Variants in RPH3A observed in about 807,000 individuals in gnomAD.
The protein encoded by RPH3A is rabphilin-3A.
Under a neutral mutation model 102.2 loss-of-function variants are expected in RPH3A, and 48 were observed. That is an observed-to-expected ratio of 0.47 (90% confidence interval 0.37 to 0.60). RPH3A has a LOEUF of 0.60. Among genes scored for constraint, RPH3A ranks in the 20% least tolerant of loss-of-function variants. The pLI, the probability that RPH3A is intolerant of heterozygous loss-of-function variation, is 0.00. For synonymous variants in RPH3A, 310 were observed against 324.3 expected (o/e 0.96, Z 0.47); for missense variants, 781 against 910.1 (o/e 0.86, Z 1.83).
chr12:112,866,207 G>A (rs560418383), intron 6 of RPH3A, among the ~76,000 whole-genome samples: 124 of 152,234 alleles, frequency 8.1e-4, no homozygotes, highest in African/African-American at 2.9e-3. Context: ...GAAATCTTGC[G>A]AAAAGTTTAT....
chr12:112,702,359 G>C (rs2040400107), intron 1 of RPH3A, among the ~76,000 whole-genome samples: 1 of 152,228 alleles, frequency 6.6e-6, no homozygotes. Flanking sequence ...ATTATGGTCA[G>C]AGCCCAGTAT....
chr12:112,682,471 T>C (rs187397231), intron 1 of RPH3A, among the ~76,000 whole-genome samples: 2 of 151,728 alleles, frequency 1.3e-5, no homozygotes, highest in Non-Finnish European at 2.9e-5. Flanking sequence ...TCTCACCACA[T>C]GCCCAGAAAT....
At chr12:112,739,951 CA>C (rs1315387662) in intron 1 of RPH3A, among the ~76,000 whole-genome samples, 1 of 148,932 alleles carries the variant, frequency 6.7e-6, no homozygotes, top group African/African-American at 2.5e-5. Context: ...CATCCCCCCC[CA>C]GCCTTGGGTA....
Position 112,896,945 on chromosome 12 carries a change from A to C in RPH3A, c.*165A>C. 1.5e-6 allele frequency: 1 copy of C among 649,508 alleles called. No individual in the cohort carries two copies. The highest frequency in any genetic ancestry group is 2.6e-6 in the Non-Finnish European group (1 of 385,462). The allele number at this position is 649,508 out of a possible 1,614,324, so 40.2% of individuals were successfully genotyped here. ...GTCACGTTGGGCACTGCTGCCAAAG[A>C]CTCCCTCCTCCCTGATGCTGGGATG... On this transcript the variant is annotated 3_prime_UTR_variant, in exon 22 of 22. Transcript: ENST00000389385.
At chr12:112,694,632 ACGCGCG>A (rs752695966) in intron 1 of RPH3A, among the ~76,000 whole-genome samples, 2 of 115,020 alleles carry the variant, frequency 1.7e-5, no homozygotes, top group Non-Finnish European at 3.5e-5. Flanking sequence ...AGACACACGC[ACGCGCG>A]CGCGCGCACA....
chr12:112,634,612 T>C (rs920311816), intron 1 of RPH3A, among the ~76,000 whole-genome samples: 1 of 152,146 alleles, frequency 6.6e-6, no homozygotes, highest in African/African-American at 2.4e-5. Flanking sequence ...TCACTGCTGT[T>C]TTGGTGATTT....
intron 1 of RPH3A, among the ~76,000 whole-genome samples, chr12:112,613,667 G>T (rs149624819): frequency 6.6e-6 from 1 of 152,196 alleles, no homozygotes; most frequent in African/African-American, 2.4e-5. Context: ...CAGGTGTGAT[G>T]GTGCATGCCT....
At chr12:112,607,782 C>T (rs564458521) in intron 1 of RPH3A, among the ~76,000 whole-genome samples, 1 of 152,354 alleles carries the variant, frequency 6.6e-6, no homozygotes, top group South Asian at 2.1e-4. Context: ...TGCAATTTCT[C>T]TTCCTCCTAA....
intron 1 of RPH3A, among the ~76,000 whole-genome samples, chr12:112,737,169 C>A (rs996029753): frequency 3.3e-4 from 41 of 125,904 alleles, no homozygotes; most frequent in East Asian, 1.2e-3. Flanking sequence ...AAAAAAAAAA[C>A]AAAATAAAAA....
chr12:112,750,973 G>C (rs1028193941), intron 1 of RPH3A, among the ~76,000 whole-genome samples: 1 of 152,118 alleles, frequency 6.6e-6, no homozygotes, highest in African/African-American at 2.4e-5. Context: ...AAACCATGGA[G>C]AGACAGATGG....
chr12:112,874,322 C>G (rs2042758073), intron 10 of RPH3A, among the ~76,000 whole-genome samples: 2 of 152,316 alleles, frequency 1.3e-5, no homozygotes, highest in South Asian at 4.1e-4. Flanking sequence ...CCTGGCTCTG[C>G]AGTAACCAGC....
intron 2 of RPH3A, among the ~76,000 whole-genome samples, chr12:112,816,837 A>G (rs1389050128): frequency 6.6e-6 from 1 of 152,196 alleles, no homozygotes; most frequent in African/African-American, 2.4e-5. Context: ...CTCTTAGGAA[A>G]ACATAACTGA....
chr12:112,798,028 G>C (rs11608387), intron 2 of RPH3A, among the ~76,000 whole-genome samples: 6,376 of 152,236 alleles, frequency 0.042, 175 homozygotes, highest in Middle Eastern at 0.075. Flanking sequence ...TCCCCATTTG[G>C]GCCAGGAAAA....
intron 1 of RPH3A, among the ~76,000 whole-genome samples, chr12:112,579,020 G>A (rs1426872057): frequency 1.3e-5 from 2 of 152,014 alleles, no homozygotes; most frequent in African/African-American, 2.4e-5. Flanking sequence ...AGGTTCCTCC[G>A]AAAATCTGAT....
At chr12:112,585,598 G>T (rs568120566) in intron 1 of RPH3A, among the ~76,000 whole-genome samples, 65 of 152,292 alleles carry the variant, frequency 4.3e-4, no homozygotes, top group African/African-American at 1.6e-3. Flanking sequence ...TGCCAGGCGT[G>T]GTGGTGCATG....
intron 1 of RPH3A, among the ~76,000 whole-genome samples, chr12:112,704,220 C>T (rs541798321): frequency 1.3e-5 from 2 of 152,240 alleles, no homozygotes; most frequent in Admixed American, 6.5e-5. Context: ...TCCTGAGTAC[C>T]TGGGACTACA....
chr12:112,862,254 A>T (rs970795061), intron 5 of RPH3A, among the ~76,000 whole-genome samples: 3 of 151,768 alleles, frequency 2.0e-5, no homozygotes, highest in South Asian at 4.2e-4. Flanking sequence ...CCAAAAAAAA[A>T]GTTAGCCGGG....
chr12:112,713,051 CCTTCTTCTTCTTCTTCTTCTTCTT>C (rs397958107), intron 1 of RPH3A, among the ~76,000 whole-genome samples: 1 of 85,874 alleles, frequency 1.2e-5, no homozygotes, highest in Non-Finnish European at 2.1e-5. Flanking sequence ...TTCTTCTTCT[CCTTCTTCTTCTTCTTCTTCTTCTT>C]CTTCTTCTTC....
chr12:112,713,043 C>G (rs2040487006), intron 1 of RPH3A, among the ~76,000 whole-genome samples: 1 of 76,398 alleles, frequency 1.3e-5, no homozygotes, highest in African/African-American at 6.4e-5. Context: ...TCTTCTTCTT[C>G]TTCTTCTCCT....
Sources: gnomAD v4.1 joint callset for allele counts (sites outside exome capture counted in the v4.1 genomes callset) on GRCh38, gnomAD v4.1.1 for gene constraint, MANE v1.5 for transcripts, NCBI Gene and HGNC (gene_info 2026-07-23, HGNC 2026-07-21) for gene names.